The following OR52N4 variants were observed in gnomAD, a reference collection of about 807,000 sequenced individuals.
The protein encoded by OR52N4 is olfactory receptor 52N4.
OR52N4 carries 15 observed loss-of-function variants against 15.0 expected under a neutral mutation model. That is an observed-to-expected ratio of 1.00 (90% CI 0.67 to 1.54). The LOEUF (loss-of-function observed/expected upper bound fraction) is 1.54. OR52N4 is among the 40% of genes most tolerant of loss of function. The probability of loss-of-function intolerance (pLI) is 0.00; values close to 1 mark genes in which losing one functional copy is unlikely to be tolerated. For missense variants in OR52N4, 421 were observed against 394.0 expected, an observed-to-expected ratio of 1.07 and a Z score of -0.58; for synonymous variants, 143 against 143.7, an observed-to-expected ratio of 1.00 and a Z score of 0.03.
the OR52N4 span, among the ~76,000 whole-genome samples, chr11:5,733,677 C>T: frequency 1.3e-5 from 2 of 152,134 alleles, no homozygotes; most frequent in East Asian, 1.9e-4. Context: ...AGAACAGGAA[C>T]GATGACTGTT....
upstream of OR52N4, among the ~76,000 whole-genome samples, chr11:5,751,120 G>C (rs2134211309): frequency 6.6e-6 from 1 of 152,092 alleles, no homozygotes; most frequent in East Asian, 1.9e-4. Context: ...CTTGACTTGA[G>C]TGTTTTAGCT....
the OR52N4 span, among the ~76,000 whole-genome samples, chr11:5,747,656 G>A: frequency 6.6e-6 from 1 of 151,826 alleles, no homozygotes; most frequent in Admixed American, 6.6e-5. Context: ...AATATATACT[G>A]AGCCTATACC....
At chr11:5,728,413 A>C in the OR52N4 span, among the ~76,000 whole-genome samples, 1 of 152,246 alleles carries the variant, frequency 6.6e-6, no homozygotes, top group South Asian at 2.1e-4. Context: ...TCCTAACTAT[A>C]TCCATGAAAC....
chr11:5,748,721 T>C, the OR52N4 span, among the ~76,000 whole-genome samples: 1 of 152,024 alleles, frequency 6.6e-6, no homozygotes, highest in Admixed American at 6.6e-5. Context: ...AGTTTATGAA[T>C]GAACAAAACA....
At chr11:5,739,082 C>A in the OR52N4 span, among the ~76,000 whole-genome samples, 5 of 127,182 alleles carry the variant, frequency 3.9e-5, 2 homozygotes, top group Admixed American at 7.6e-5. Flanking sequence ...TTCACACAAA[C>A]TTCAATTTTT....
chr11:5,731,057 T>C, the OR52N4 span, among the ~76,000 whole-genome samples: 13 of 152,240 alleles, frequency 8.5e-5, no homozygotes, highest in African/African-American at 2.6e-4. Context: ...CCTCATCCCT[T>C]CCATTCGTGT....
chr11:5,741,830 T>TTC, the OR52N4 span, among the ~76,000 whole-genome samples: 3 of 152,086 alleles, frequency 2.0e-5, no homozygotes, highest in East Asian at 5.8e-4. Context: ...CCAAAGAGGC[T>TTC]TCACCTGTAG....
At chr11:5,742,052 C>T in the OR52N4 span, among the ~76,000 whole-genome samples, 7 of 151,604 alleles carry the variant, frequency 4.6e-5, no homozygotes, top group Admixed American at 2.6e-4. Context: ...CAGAATAGTA[C>T]ATTTCAGAGA....
chr11:5,735,692 TAAC>T, the OR52N4 span, among the ~76,000 whole-genome samples: 1 of 152,148 alleles, frequency 6.6e-6, no homozygotes, highest in African/African-American at 2.4e-5. Context: ...AGTAAATGGA[TAAC>T]AACAAAGTTG....
chr11:5,750,094 A>G (rs1325103574), upstream of OR52N4, among the ~76,000 whole-genome samples: 1 of 152,006 alleles, frequency 6.6e-6, no homozygotes, highest in Non-Finnish European at 1.5e-5. Flanking sequence ...ACAAGAAAAT[A>G]TAGGAAATAC....
rs997195395 is a variant in OR52N4 at position 5,754,865 on chromosome 11, T to G, written c.125T>G (p.Val42Gly). Residue 42 changes from valine (V) to glycine (G), a missense_variant, in exon 2 of 2, where the codon GTA (valine) becomes GGA (glycine). Physicochemically the swap from Val to Gly is moderately radical, Grantham distance 109. Transcript: ENST00000641350. The stretch of plus-strand genomic sequence containing the variant: ...TGCTCTATGTATGTTGTGGCTATGG[T>G]AGGGAATTGTGGACTCCTCTACCTC... ...PFCSMYVVAM[V>G]GNCGLLYLIH... 1 of 1,613,836 alleles carries G rather than the reference T, an allele frequency of 6.2e-7. No homozygotes were observed. The highest frequency in any genetic ancestry group is 1.1e-5 in the South Asian group (1 of 91,084).
chr11:5,729,239 C>T, the OR52N4 span, among the ~76,000 whole-genome samples: 1 of 150,886 alleles, frequency 6.6e-6, no homozygotes, highest in Non-Finnish European at 1.5e-5. Context: ...CCTGCCTCAG[C>T]CTCCCGAGTA....
chr11:5,745,987 C>T, the OR52N4 span, among the ~76,000 whole-genome samples: 1 of 152,048 alleles, frequency 6.6e-6, no homozygotes, highest in Admixed American at 6.5e-5. Flanking sequence ...ATAGAGTATT[C>T]AGAAATGAAG....
chr11:5,755,496 C>T lies in OR52N4; in HGVS notation c.756C>T (p.Phe252=), dbSNP rs1276330157. The change falls in exon 2 of 2, where the codon TTC becomes TTT. Residue 252 remains phenylalanine, a synonymous_variant. Transcript: ENST00000641350. ...CTGCCCACATTTGTGCCATTGTTTT[C>T]TCCTATACTCCAGCTTTCTTCTCCT... is the stretch of plus-strand genomic sequence containing the variant. The part of the protein sequence containing the change: ...TCTAHICAIV[F]SYTPAFFSFF... 1.2e-6 allele frequency: 2 copies of T among 1,613,960 alleles called. No homozygotes were observed.
chr11:5,747,674 T>C, the OR52N4 span, among the ~76,000 whole-genome samples: 11 of 152,060 alleles, frequency 7.2e-5, no homozygotes, highest in Non-Finnish European at 1.0e-4. Flanking sequence ...ACCCCAGTCA[T>C]AGACAATATT....
In OR52N4 at chr11:5,754,900, G is replaced by A. The variant is rs1305096348; in HGVS notation, c.160G>A (p.Glu54Lys). 12 of 1,613,810 alleles carry A rather than the reference G, an allele frequency of 7.4e-6. No homozygotes were observed. The highest frequency in any genetic ancestry group is 1.1e-5 in the South Asian group (1 of 91,086). ...NCGLLYLIHY[E>K]DALHKPMYYF... ...TGGACTCCTCTACCTCATTCACTAT[G>A]AGGATGCCCTGCACAAACCCATGTA... The change falls in exon 2 of 2, where the codon GAG (glutamate) becomes AAG (lysine). Residue 54 changes from glutamate (E) to lysine (K), a missense_variant. Physicochemically the swap from Glu to Lys is moderately conservative, Grantham distance 56 (BLOSUM62 1). Coordinates refer to ENST00000641350, the MANE Select transcript of OR52N4 (RefSeq NM_001005175.5).
At chr11:5,752,368 A>G (rs1408782876), upstream of OR52N4, among the ~76,000 whole-genome samples, 2 of 152,190 alleles carry the variant, frequency 1.3e-5, no homozygotes, top group African/African-American at 2.4e-5. Context: ...ATCTTACCCA[A>G]TAAGGCAGAA....
At chr11:5,736,521 A>ATCATGAG in the OR52N4 span, 1 of 1,613,448 alleles carries the variant, frequency 6.2e-7, no homozygotes, top group African/African-American at 1.3e-5. Context: ...TGAATCATGA[A>ATCATGAG]TCATATGTCT....
upstream of OR52N4, among the ~76,000 whole-genome samples, chr11:5,749,621 T>C (rs772292297): frequency 3.9e-5 from 6 of 152,078 alleles, no homozygotes; most frequent in Non-Finnish European, 8.8e-5. Context: ...CATAGTCTAA[T>C]TTTCCTTGGT....
Sources: allele counts gnomAD v4.1 joint callset (sites outside exome capture counted in the v4.1 genomes callset), GRCh38; gene constraint gnomAD v4.1.1; transcripts MANE v1.5; gene names NCBI Gene and HGNC (gene_info 2026-07-23, HGNC 2026-07-21).